The following SLC39A11 variants were observed in gnomAD, a reference collection of about 807,000 sequenced individuals.
SLC39A11 encodes the protein zinc transporter ZIP11.
In SLC39A11, 33 loss-of-function variants were observed where a neutral mutation model predicts 36.1. That is an observed-to-expected ratio of 0.91 (90% CI 0.69 to 1.22). The LOEUF is 1.22. Among genes scored for constraint, SLC39A11 ranks in the 50% most tolerant of loss-of-function variants. The probability of loss-of-function intolerance (pLI) is 0.00; values close to 1 mark genes in which losing one functional copy is unlikely to be tolerated. For missense variants in SLC39A11, 432 were observed against 430.3 expected (o/e 1.00, Z -0.03); for synonymous variants, 166 against 170.3 (o/e 0.97, Z 0.20).
At chr17:72,830,768 T>A (rs1012348411) in intron 6 of SLC39A11, among the ~76,000 whole-genome samples, 1 of 152,096 alleles carries the variant, frequency 6.6e-6, no homozygotes, top group African/African-American at 2.4e-5. Context: ...TCAAACCCCA[T>A]GCATACCCTG....
At chr17:73,055,747 A>G (rs1033083926) in intron 3 of SLC39A11, among the ~76,000 whole-genome samples, 1 of 152,140 alleles carries the variant, frequency 6.6e-6, no homozygotes, top group African/African-American at 2.4e-5. Context: ...TGCTGGGATT[A>G]GTAAGCCACC....
chr17:73,088,197 G>C (rs2060798249), intron 2 of SLC39A11, among the ~76,000 whole-genome samples: 1 of 152,018 alleles, frequency 6.6e-6, no homozygotes, highest in Non-Finnish European at 1.5e-5. Context: ...TGGAGGCTGA[G>C]GCAGGAGAAT....
chr17:72,686,838 A>G (rs1044377139), intron 7 of SLC39A11, among the ~76,000 whole-genome samples: 3 of 152,192 alleles, frequency 2.0e-5, no homozygotes, highest in African/African-American at 7.2e-5. Flanking sequence ...TGGGACCACC[A>G]CAGGTCATTT....
At chr17:72,836,231 G>A (rs1278989371) in intron 6 of SLC39A11, among the ~76,000 whole-genome samples, 1 of 152,096 alleles carries the variant, frequency 6.6e-6, no homozygotes, top group Non-Finnish European at 1.5e-5. Flanking sequence ...AACTCTCTCT[G>A]AAAAACAGTG....
chr17:72,753,168 G>C (rs1225670060), intron 6 of SLC39A11, among the ~76,000 whole-genome samples: 1 of 152,124 alleles, frequency 6.6e-6, no homozygotes, highest in African/African-American at 2.4e-5. Flanking sequence ...AGAGTTTTGA[G>C]ATTCATCAAG....
Position 72,649,194 on chromosome 17 carries a change from C to G in SLC39A11, c.746G>C (p.Gly249Ala). ...CCAGAAAGCTCTCCAGGTGGAGAAG[C>G]CTGCCCCTCGCAAGGGAAGGCTGAC... is the stretch of plus-strand genomic sequence containing the variant. ...LAVSLPLRGA[G>A]FSTWRAFWYG... Residue 249 changes from glycine to alanine, a missense_variant, in exon 8 of 10, where the codon GGC (glycine) becomes GCC (alanine). Transcript: ENST00000255559. 2 of 1,614,174 alleles carry G rather than the reference C, an allele frequency of 1.2e-6. No homozygotes were observed. Among genetic ancestry groups the G allele is most frequent in the Non-Finnish European group, 1.7e-6 (2 of 1,180,002 alleles).
intron 6 of SLC39A11, among the ~76,000 whole-genome samples, chr17:72,742,940 C>T (rs2074772880): frequency 6.6e-6 from 1 of 152,152 alleles, no homozygotes. Context: ...CACAATTAAA[C>T]ATGCCAAAGG....
intron 6 of SLC39A11, among the ~76,000 whole-genome samples, chr17:72,780,172 A>C (rs1312557712): frequency 2.0e-5 from 3 of 152,166 alleles, no homozygotes; most frequent in African/African-American, 7.2e-5. Flanking sequence ...GAGCTGATTA[A>C]GAGTTCCAAG....
chr17:72,902,424 G>A (rs572587949), intron 5 of SLC39A11, among the ~76,000 whole-genome samples: 2 of 135,522 alleles, frequency 1.5e-5, no homozygotes, highest in African/African-American at 5.9e-5. Flanking sequence ...GGCAAGTAAG[G>A]ATTCTCTCCT....
intron 4 of SLC39A11, among the ~76,000 whole-genome samples, chr17:73,024,382 C>G (rs746437220): frequency 2.0e-5 from 3 of 152,172 alleles, no homozygotes; most frequent in African/African-American, 7.2e-5. Flanking sequence ...AATGTCCCCA[C>G]GAAACGAGTC....
chr17:72,692,131 CT>C (rs1238473290), intron 7 of SLC39A11, among the ~76,000 whole-genome samples: 1 of 152,030 alleles, frequency 6.6e-6, no homozygotes, highest in Admixed American at 6.6e-5. Flanking sequence ...CTGCCTCAGC[CT>C]TCCTGAGTAG....
chr17:72,746,737 C>CT (rs2074954516), intron 6 of SLC39A11, among the ~76,000 whole-genome samples: 1 of 151,482 alleles, frequency 6.6e-6, no homozygotes, highest in African/African-American at 2.4e-5. Context: ...GACTCCGTCT[C>CT]AAAATAAAAT....
chr17:72,977,657 A>G (rs1429651930), intron 4 of SLC39A11, among the ~76,000 whole-genome samples: 1 of 152,176 alleles, frequency 6.6e-6, no homozygotes, highest in Non-Finnish European at 1.5e-5. Flanking sequence ...GGGACTAGGG[A>G]CATGTGGGAA....
chr17:73,010,034 C>T (rs2090425699), intron 4 of SLC39A11, among the ~76,000 whole-genome samples: 1 of 152,100 alleles, frequency 6.6e-6, no homozygotes, highest in Admixed American at 6.6e-5. Context: ...GTACTCTTCT[C>T]CCAGATGTTA....
chr17:72,880,158 C>T (rs1048101018), intron 5 of SLC39A11, among the ~76,000 whole-genome samples: 30 of 152,246 alleles, frequency 2.0e-4, no homozygotes, highest in African/African-American at 7.0e-4. Context: ...CTACTCCTCA[C>T]ACACTGCCTG....
At chr17:72,725,653 A>G (rs2073894018) in intron 7 of SLC39A11, 1 of 152,160 alleles carries the variant, frequency 6.6e-6, no homozygotes, top group African/African-American at 2.4e-5. Context: ...CTACCAAGCT[A>G]CCGCGTGGTG....
At chr17:73,028,615 G>C (rs539552053) in intron 4 of SLC39A11, among the ~76,000 whole-genome samples, 1 of 152,194 alleles carries the variant, frequency 6.6e-6, no homozygotes, top group East Asian at 1.9e-4. Flanking sequence ...GATGTTTACT[G>C]TCAGGCTGAC....
chr17:72,816,106 C>G (rs2077574304), intron 6 of SLC39A11, among the ~76,000 whole-genome samples: 1 of 152,216 alleles, frequency 6.6e-6, no homozygotes, highest in Admixed American at 6.6e-5. Context: ...TTTCAAAGTC[C>G]TATGTGCTTC....
chr17:72,866,133 C>G (rs2080290866), intron 5 of SLC39A11, among the ~76,000 whole-genome samples: 1 of 152,180 alleles, frequency 6.6e-6, no homozygotes, highest in Admixed American at 6.5e-5. Flanking sequence ...GTATTGACAG[C>G]CGCTCCCCAT....
Sources: gnomAD v4.1 joint callset for allele counts (sites outside exome capture counted in the v4.1 genomes callset) on GRCh38, gnomAD v4.1.1 for gene constraint, MANE v1.5 for transcripts, NCBI Gene and HGNC (gene_info 2026-07-23, HGNC 2026-07-21) for gene names.